FRMD4A: variants seen among roughly 807,000 people sequenced by gnomAD.
The protein encoded by FRMD4A is FERM domain-containing protein 4A.
FRMD4A carries 29 observed loss-of-function variants against 129.1 expected under a neutral mutation model. The ratio of observed to expected loss-of-function variants is 0.22; its 90% CI spans 0.17 to 0.31. The LOEUF is 0.31. Among genes scored for constraint, FRMD4A ranks in the 10% least tolerant of loss-of-function variants. FRMD4A has a pLI of 1.00. For synonymous variants in FRMD4A, 634 were observed against 571.6 expected, an observed-to-expected ratio of 1.11 and a Z score of -1.56; for missense variants, 1,272 against 1,375.8, an observed-to-expected ratio of 0.92 and a Z score of 1.19.
chr10:14,223,415 C>T (rs1247332982), intron 2 of FRMD4A, among the ~76,000 whole-genome samples: 1 of 152,112 alleles, frequency 6.6e-6, no homozygotes, highest in African/African-American at 2.4e-5. Flanking sequence ...CGTTGGCTCC[C>T]CTGCATTTTC....
At chr10:13,755,040 G>A (rs1272835902) in intron 8 of FRMD4A, among the ~76,000 whole-genome samples, 1 of 152,170 alleles carries the variant, frequency 6.6e-6, no homozygotes, top group African/African-American at 2.4e-5. Context: ...TGGTATACTA[G>A]GAATTGTGAT....
chr10:13,949,868 T>C (rs148827811), intron 2 of FRMD4A, among the ~76,000 whole-genome samples: 125 of 152,350 alleles, frequency 8.2e-4, no homozygotes, highest in African/African-American at 2.8e-3. Context: ...TCTCAGCGTC[T>C]TGTTTCAGAA....
At chr10:13,785,986 G>A (rs548331973) in intron 5 of FRMD4A, among the ~76,000 whole-genome samples, 17 of 152,308 alleles carry the variant, frequency 1.1e-4, no homozygotes, top group Non-Finnish European at 2.2e-4. Flanking sequence ...ATTCCATGGT[G>A]TATATGTGCC....
chr10:13,958,611 T>TC (rs575851444), intron 2 of FRMD4A, among the ~76,000 whole-genome samples: 108 of 132,500 alleles, frequency 8.2e-4, no homozygotes, highest in African/African-American at 2.4e-3. Flanking sequence ...TTTTTTTTTT[T>TC]CCCCGCTCTT....
chr10:14,276,236 G>A (rs753034549), intron 2 of FRMD4A, among the ~76,000 whole-genome samples: 65 of 152,314 alleles, frequency 4.3e-4, no homozygotes, highest in Non-Finnish European at 7.8e-4. Flanking sequence ...ATGCCTGCCA[G>A]ATGCTGCCTG....
intron 23 of FRMD4A, chr10:13,652,255 T>G: frequency 2.1e-6 from 1 of 473,360 alleles, no homozygotes; most frequent in East Asian, 3.9e-5. Flanking sequence ...AAAATTGCTG[T>G]TTTTCAAATT....
chr10:13,988,519 G>A (rs1320455860), intron 2 of FRMD4A, among the ~76,000 whole-genome samples: 2 of 152,164 alleles, frequency 1.3e-5, no homozygotes, highest in South Asian at 2.1e-4. Context: ...TTTTGTCTAA[G>A]TGTTTGCATA....
rs754697615 is a variant in FRMD4A at position 13,656,952 on chromosome 10, G to C, written c.2637C>G (p.Phe879Leu). The C allele has an allele frequency of 6.5e-7, 1 of 1,533,958 alleles. No individual in the cohort carries two copies. Among genetic ancestry groups the C allele is most frequent in the Non-Finnish European group, 8.7e-7 (1 of 1,147,714 alleles). ...TSNSYTAGGL[F>L]KESWRGGGGD... ...CGCCGCCGCCGCGCCAGCTCTCCTTGAACAGGCCGCCCGCCGTGTAGGAGT... is the reference window on the plus strand; with the variant it reads ...CGCCGCCGCCGCGCCAGCTCTCCTTCAACAGGCCGCCCGCCGTGTAGGAGT... Residue 879 changes from phenylalanine to leucine, a missense_variant, in exon 22 of 25, where the codon TTC becomes TTG. This residue lies in a region of FRMD4A where 972 missense variants were observed against 892.3 expected (regional missense o/e 1.09). Transcript: ENST00000357447.
At chr10:13,818,227 C>A (rs2093575510) in intron 3 of FRMD4A, among the ~76,000 whole-genome samples, 1 of 107,702 alleles carries the variant, frequency 9.3e-6, no homozygotes, top group Non-Finnish European at 2.0e-5. Flanking sequence ...TGCAGTGGTG[C>A]CATAATATCT....
chr10:13,952,399 G>T (rs2095378739), intron 2 of FRMD4A, among the ~76,000 whole-genome samples: 1 of 152,022 alleles, frequency 6.6e-6, no homozygotes, highest in Non-Finnish European at 1.5e-5. Context: ...TGCTTGGGAG[G>T]CTGAGGATGG....
At chr10:13,696,988 A>C (rs1488375159) in intron 14 of FRMD4A, among the ~76,000 whole-genome samples, 2 of 152,170 alleles carry the variant, frequency 1.3e-5, no homozygotes, top group East Asian at 3.9e-4. Flanking sequence ...GCCCAACCAG[A>C]TATTTTGGGG....
chr10:14,190,912 C>A (rs1296887193), intron 2 of FRMD4A, among the ~76,000 whole-genome samples: 2 of 152,148 alleles, frequency 1.3e-5, no homozygotes, highest in African/African-American at 4.8e-5. Flanking sequence ...CCTCCTGGGG[C>A]TTTGTGTGCA....
chr10:13,849,176 C>T (rs2094104405), intron 3 of FRMD4A, among the ~76,000 whole-genome samples: 1 of 152,166 alleles, frequency 6.6e-6, no homozygotes, highest in Admixed American at 6.5e-5. Context: ...CAGGAGGTGG[C>T]CTGGTGGCCT....
intron 2 of FRMD4A, among the ~76,000 whole-genome samples, chr10:13,957,966 A>G (rs974045501): frequency 2.0e-5 from 3 of 151,900 alleles, no homozygotes; most frequent in Non-Finnish European, 4.4e-5. Flanking sequence ...CTAAGAGCCT[A>G]TGTAAACCCT....
At chr10:14,020,666 A>T (rs544457499) in intron 2 of FRMD4A, among the ~76,000 whole-genome samples, 1 of 147,526 alleles carries the variant, frequency 6.8e-6, no homozygotes, top group Non-Finnish European at 1.5e-5. Flanking sequence ...GGCAGCCCCA[A>T]TTTTTTTTTT....
At chr10:14,054,280 C>A (rs1363372551) in intron 2 of FRMD4A, among the ~76,000 whole-genome samples, 4 of 152,164 alleles carry the variant, frequency 2.6e-5, no homozygotes, top group Non-Finnish European at 4.4e-5. Context: ...ACTATTATGG[C>A]CTTGCCACCT....
intron 2 of FRMD4A, among the ~76,000 whole-genome samples, chr10:13,978,426 C>T (rs961037179): frequency 2.0e-5 from 3 of 152,246 alleles, no homozygotes; most frequent in East Asian, 3.9e-4. Flanking sequence ...TCCTGACTCT[C>T]TCACACCCAC....
intron 2 of FRMD4A, among the ~76,000 whole-genome samples, chr10:13,905,365 A>C (rs1391112784): frequency 6.6e-6 from 1 of 152,154 alleles, no homozygotes; most frequent in Non-Finnish European, 1.5e-5. Flanking sequence ...TCCTTTGTTC[A>C]TGTACTTTTA....
intron 2 of FRMD4A, among the ~76,000 whole-genome samples, chr10:14,145,139 C>T (rs530031472): frequency 2.0e-5 from 3 of 152,264 alleles, no homozygotes; most frequent in Non-Finnish European, 4.4e-5. Flanking sequence ...GGTGAGGACA[C>T]ATGCGGAGGC....
Sources: gnomAD v4.1 joint callset for allele counts (sites outside exome capture counted in the v4.1 genomes callset) on GRCh38, gnomAD v4.1.1 for gene constraint, gnomAD v4.1.1 regional missense constraint, MANE v1.5 for transcripts, NCBI Gene and HGNC (gene_info 2026-07-23, HGNC 2026-07-21) for gene names.